The following PPM1H variants were observed in gnomAD, a reference collection of about 807,000 sequenced individuals.
PPM1H encodes the protein protein phosphatase, Mg2+/Mn2+ dependent 1H, also known as protein phosphatase 1H.
Under a neutral mutation model 54.9 loss-of-function variants are expected in PPM1H, and 27 were observed. That is an observed-to-expected ratio of 0.49 (90% CI 0.36 to 0.68). The LOEUF is 0.68. Among genes scored for constraint, PPM1H ranks in the 30% least tolerant of loss-of-function variants. The pLI is 0.00. For synonymous variants in PPM1H, 305 were observed against 270.8 expected, an observed-to-expected ratio of 1.13 and a Z score of -1.24; for missense variants, 596 against 667.8, an observed-to-expected ratio of 0.89 and a Z score of 1.19.
chr12:62,813,848 T>G (rs1038659360), intron 2 of PPM1H, among the ~76,000 whole-genome samples: 3 of 152,214 alleles, frequency 2.0e-5, no homozygotes, highest in Non-Finnish European at 4.4e-5. Flanking sequence ...AGTAAATGAG[T>G]TACTGTGTGA....
chr12:62,675,736 C>T (rs1442175918), intron 8 of PPM1H, among the ~76,000 whole-genome samples: 1 of 152,206 alleles, frequency 6.6e-6, no homozygotes, highest in African/African-American at 2.4e-5. Context: ...AAAATGACTG[C>T]TACTTCTGGC....
chr12:62,695,114 A>G (rs1451864865), intron 6 of PPM1H, among the ~76,000 whole-genome samples: 2 of 152,158 alleles, frequency 1.3e-5, no homozygotes, highest in African/African-American at 4.8e-5. Flanking sequence ...TGAGTCTGAA[A>G]TCAAATTTAT....
At chr12:62,675,797 A>G (rs1230915595) in intron 8 of PPM1H, among the ~76,000 whole-genome samples, 1 of 152,232 alleles carries the variant, frequency 6.6e-6, no homozygotes, top group African/African-American at 2.4e-5. Context: ...TCTTCACCAC[A>G]GCAGGTTTTC....
intron 6 of PPM1H, among the ~76,000 whole-genome samples, chr12:62,702,427 GC>G (rs1381924228): frequency 1.3e-5 from 2 of 152,068 alleles, no homozygotes; most frequent in Non-Finnish European, 2.9e-5. Flanking sequence ...TCCAGGAAGA[GC>G]CCCTACTCTG....
intron 8 of PPM1H, among the ~76,000 whole-genome samples, chr12:62,687,453 A>G (rs1293000546): frequency 6.6e-6 from 1 of 152,012 alleles, no homozygotes; most frequent in African/African-American, 2.4e-5. Context: ...TTGTAAGAAC[A>G]AGGGTCCTGC....
At chr12:62,762,147 A>G (rs1592585584) in intron 4 of PPM1H, among the ~76,000 whole-genome samples, 1 of 152,192 alleles carries the variant, frequency 6.6e-6, no homozygotes, top group Non-Finnish European at 1.5e-5. Flanking sequence ...CGTATGGCCC[A>G]TTTTAGGAGT....
chr12:62,771,335 C>T (rs1370846027), intron 4 of PPM1H, among the ~76,000 whole-genome samples: 2 of 150,948 alleles, frequency 1.3e-5, no homozygotes, highest in Non-Finnish European at 3.0e-5. Flanking sequence ...CACACACACA[C>T]ACACGGGCCT....
intron 1 of PPM1H, among the ~76,000 whole-genome samples, chr12:62,923,067 A>T (rs779034284): frequency 2.9e-5 from 4 of 136,290 alleles, no homozygotes; most frequent in Non-Finnish European, 5.0e-5. Flanking sequence ...ATGTTATAAA[A>T]CTGAAGTCTG....
chr12:62,676,735 G>A (rs772785130), intron 8 of PPM1H, among the ~76,000 whole-genome samples: 6 of 152,152 alleles, frequency 3.9e-5, no homozygotes, highest in Non-Finnish European at 5.9e-5. Flanking sequence ...GAGGGAGGCC[G>A]AGGGGAAGGG....
Position 62,645,793 on chromosome 12 carries a change from C to G in PPM1H, c.*2696G>C, listed in dbSNP as rs2075781240. 1 of 152,278 alleles carries G rather than the reference C, an allele frequency of 6.6e-6. No individual in the cohort carries two copies. The highest frequency in any genetic ancestry group is 2.4e-5 in the African/African-American group (1 of 41,554). 9.4% of individuals were successfully genotyped at this position (152,278 alleles called of 1,614,324 possible). ...CTTCCTCTGAGGCTATTCGAGCAAG[C>G]AGATTTGGCTATAAGTCAGATACGC... On this transcript the variant is annotated 3_prime_UTR_variant, in exon 10 of 10. Coordinates refer to ENST00000228705, the MANE Select transcript of PPM1H (RefSeq NM_020700.2).
At chr12:62,887,611 T>TGG (rs1489683869) in intron 1 of PPM1H, among the ~76,000 whole-genome samples, 9 of 152,204 alleles carry the variant, frequency 5.9e-5, no homozygotes, top group Admixed American at 5.9e-4. Context: ...CCTGCTCTCA[T>TGG]GGTGCTTATT....
chr12:62,842,067 G>A lies in PPM1H; in HGVS notation c.246-9788C>T, dbSNP rs147713009. Among the ~76,000 whole-genome samples, 1,088 of 152,192 alleles carry A rather than the reference G, an allele frequency of 7.1e-3. 6 individuals carry two copies. Among genetic ancestry groups the A allele is most frequent in the Middle Eastern group, 0.014 (4 of 294 alleles). ...TCTGTCAGATGCTGGAACAATTCCC[G>A]TAGAAGGCCCCAGTGCTGCTCTGTT... On this transcript the variant is annotated intron_variant, in intron 1 of 9. Coordinates refer to ENST00000228705, the MANE Select transcript of PPM1H (RefSeq NM_020700.2).
At position 62,649,200 on chromosome 12, in the gene PPM1H, GTT is replaced by G. The variant is rs34573131; in HGVS notation, c.1398-566_1398-565del. Reference sequence around the variant, plus strand: ...TATAGCAAGAATGTGAAGTTTTTTGGTTTTTTTTTTTAATTTATTTAATTTTT... The same window carrying G: ...TATAGCAAGAATGTGAAGTTTTTTGGTTTTTTTTTAATTTATTTAATTTTT... On this transcript the variant is annotated intron_variant, in intron 9 of 9. Transcript: ENST00000228705. Among the ~76,000 whole-genome samples the G allele has an allele frequency of 1.8e-3, 261 of 148,528 alleles. 1 individual carries two copies. The highest frequency in any genetic ancestry group is 0.014 in the Middle Eastern group (4 of 288).
intron 1 of PPM1H, among the ~76,000 whole-genome samples, chr12:62,833,964 T>A (rs1434996669): frequency 1.3e-5 from 2 of 152,174 alleles, no homozygotes; most frequent in Non-Finnish European, 2.9e-5. Flanking sequence ...AACGAAAAGA[T>A]CATATCAGTC....
Position 62,786,825 on chromosome 12 carries a change from C to T in PPM1H, c.869+1401G>A, listed in dbSNP as rs78519379. 3.9e-3 allele frequency among the ~76,000 whole-genome samples: 596 copies of T among 152,276 alleles called. 2 individuals carry two copies. Among genetic ancestry groups the T allele is most frequent in the African/African-American group, 0.013 (551 of 41,556 alleles). On this transcript the variant is annotated intron_variant, in intron 4 of 9. Coordinates refer to ENST00000228705, the MANE Select transcript of PPM1H (RefSeq NM_020700.2). The stretch of plus-strand genomic sequence containing the variant: ...TACTGGGCAGAATTTTACAAGGAAA[C>T]GTAAATATATACATTTTTACAACAT...
At chr12:62,692,443 A>G (rs2076088557) in intron 7 of PPM1H, among the ~76,000 whole-genome samples, 1 of 152,208 alleles carries the variant, frequency 6.6e-6, no homozygotes, top group African/African-American at 2.4e-5. Flanking sequence ...CCATTTTCCT[A>G]TTGTACTAAG....
intron 7 of PPM1H, among the ~76,000 whole-genome samples, chr12:62,691,823 A>AG (rs2076084661): frequency 1.3e-5 from 2 of 151,178 alleles, no homozygotes; most frequent in South Asian, 4.2e-4. Context: ...AAAAAAAAAA[A>AG]AAAAGTGATG....
At chr12:62,870,112 A>G (rs963780213) in intron 1 of PPM1H, among the ~76,000 whole-genome samples, 2 of 152,234 alleles carry the variant, frequency 1.3e-5, no homozygotes, top group African/African-American at 4.8e-5. Flanking sequence ...GGACATCCAC[A>G]GTAATTACAT....
At chr12:62,689,953 G>T in intron 7 of PPM1H, 147 bp from the exon 8 acceptor site, 1 of 550,006 alleles carries the variant, frequency 1.8e-6, no homozygotes, top group South Asian at 3.1e-5. Flanking sequence ...GCTAACATAC[G>T]TGGATAGCTC....
Sources: allele counts gnomAD v4.1 joint callset (sites outside exome capture counted in the v4.1 genomes callset), GRCh38; gene constraint gnomAD v4.1.1; transcripts MANE v1.5; gene names NCBI Gene and HGNC (gene_info 2026-07-23, HGNC 2026-07-21).